Variants in PRDM16 observed in about 807,000 individuals in gnomAD.
PRDM16 encodes the protein PR/SET domain 16.
In PRDM16, 23 loss-of-function variants were observed where a neutral mutation model predicts 110.6. The observed-to-expected ratio is 0.21, with a 90% CI of 0.15 to 0.29. The LOEUF (loss-of-function observed/expected upper bound fraction) is 0.29. Ranked by LOEUF, PRDM16 falls within the 10% of genes least tolerant of loss-of-function variation. The probability of loss-of-function intolerance (pLI) is 1.00; values close to 1 mark genes in which losing one functional copy is unlikely to be tolerated. For missense variants in PRDM16, 1,615 were observed against 1,794.3 expected (o/e 0.90, Z 1.81); for synonymous variants, 799 against 781.8 (o/e 1.02, Z -0.37).
chr1:3,379,557 C>G (rs1569620798), intron 3 of PRDM16, among the ~76,000 whole-genome samples: 2 of 15,060 alleles, frequency 1.3e-4, no homozygotes, highest in Admixed American at 5.5e-4. Flanking sequence ...TCCCAACACA[C>G]CCCTCCCAGC....
intron 1 of PRDM16, among the ~76,000 whole-genome samples, chr1:3,090,697 C>T (rs1474031356): frequency 1.3e-5 from 2 of 152,244 alleles, no homozygotes; most frequent in East Asian, 3.9e-4. Context: ...ACGTCAGAAC[C>T]CCAAAGCCTC....
chr1:3,151,188 C>T (rs1643769295), intron 1 of PRDM16, among the ~76,000 whole-genome samples: 1 of 152,198 alleles, frequency 6.6e-6, no homozygotes, highest in Non-Finnish European at 1.5e-5. Flanking sequence ...AGTGTCTGTC[C>T]CCTCGCTGGG....
At chr1:3,400,191 C>T (rs969898279) in intron 5 of PRDM16, among the ~76,000 whole-genome samples, 2 of 152,224 alleles carry the variant, frequency 1.3e-5, no homozygotes, top group Non-Finnish European at 1.5e-5. Context: ...CTTCCTTGGA[C>T]GAGCAACTCG....
At chr1:3,416,892 G>A (rs1040672662) in intron 10 of PRDM16, among the ~76,000 whole-genome samples, 2 of 152,198 alleles carry the variant, frequency 1.3e-5, no homozygotes, top group Non-Finnish European at 2.9e-5. Context: ...TACAGGGCCT[G>A]GCACACAGCA....
At chr1:3,294,300 G>A (rs113622023) in intron 3 of PRDM16, among the ~76,000 whole-genome samples, 14 of 152,200 alleles carry the variant, frequency 9.2e-5, no homozygotes, top group African/African-American at 3.4e-4. Context: ...CAGGCTGGAG[G>A]GCACCCCCGG....
intron 1 of PRDM16, among the ~76,000 whole-genome samples, chr1:3,155,463 G>A (rs1442811585): frequency 6.6e-6 from 1 of 152,224 alleles, no homozygotes; most frequent in Non-Finnish European, 1.5e-5. Context: ...GCACCGTGGT[G>A]TTCTCTGAGG....
chr1:3,403,613 C>T (rs1643511436), intron 6 of PRDM16, among the ~76,000 whole-genome samples: 3 of 152,212 alleles, frequency 2.0e-5, no homozygotes, highest in Admixed American at 2.0e-4. Context: ...CCCTCCCCTG[C>T]CCTGAGACCA....
At chr1:3,181,323 ATCTTACACAAGCAG>A (rs1211404992) in intron 1 of PRDM16, among the ~76,000 whole-genome samples, 1 of 30,596 alleles carries the variant, frequency 3.3e-5, no homozygotes, top group East Asian at 1.1e-3. Flanking sequence ...TACACACGCA[ATCTTACACAAGCAG>A]TCTTACACAC....
chr1:3,267,740 G>C (rs937896222), intron 3 of PRDM16, among the ~76,000 whole-genome samples: 1 of 152,184 alleles, frequency 6.6e-6, no homozygotes, highest in East Asian at 1.9e-4. Context: ...GTTGAGCAGA[G>C]CGCCAGCCTC....
intron 4 of PRDM16, among the ~76,000 whole-genome samples, chr1:3,388,238 C>G (rs185915164): frequency 6.6e-6 from 1 of 152,334 alleles, no homozygotes; most frequent in Non-Finnish European, 1.5e-5. Context: ...CACACACAAA[C>G]ACACACAAGT....
intron 3 of PRDM16, among the ~76,000 whole-genome samples, chr1:3,372,817 C>T (rs1292216204): frequency 6.6e-6 from 1 of 152,338 alleles, no homozygotes; most frequent in African/African-American, 2.4e-5. Flanking sequence ...CCAGATCCCA[C>T]CCTCCTCCAG....
chr1:3,418,667 G>A lies in PRDM16; in HGVS notation c.2862G>A (p.Arg954=). Residue 954 remains arginine, a splice_region_variant and synonymous_variant, in exon 12 of 17, where the codon AGG becomes AGA. Coordinates refer to ENST00000270722, the MANE Select transcript of PRDM16 (RefSeq NM_022114.4). ...LRKGKERYTC[R]YCGKIFPRSA... The stretch of plus-strand genomic sequence containing the variant: ...CCCTCCCCACCTCCCTCCACCCCAG[G>A]TACTGTGGGAAGATCTTCCCCAGAT... The A allele has an allele frequency of 6.2e-7, 1 of 1,611,170 alleles. No individual in the cohort carries two copies. The highest frequency in any genetic ancestry group is 8.5e-7 in the Non-Finnish European group (1 of 1,177,540).
At chr1:3,086,931 T>A (rs1460188906) in intron 1 of PRDM16, among the ~76,000 whole-genome samples, 1 of 152,030 alleles carries the variant, frequency 6.6e-6, no homozygotes, top group Non-Finnish European at 1.5e-5. Context: ...AAACATGGTA[T>A]CACTCACCTC....
chr1:3,412,411 C>T lies in PRDM16; in HGVS notation c.2214C>T (p.Tyr738=). Residue 738 remains tyrosine, a synonymous_variant, in exon 9 of 17, where the codon TAC becomes TAT. Transcript: ENST00000270722. ...QFLPNFPHSL[Y]PFTDRALAHN... The stretch of plus-strand genomic sequence containing the variant: ...TGCCCAACTTCCCCCACTCCCTTTA[C>T]CCCTTCACGGACCGAGCCCTCGCCC... 1.2e-6 allele frequency: 2 copies of T among 1,612,994 alleles called. No homozygotes were observed. Among genetic ancestry groups the T allele is most frequent in the Non-Finnish European group, 1.7e-6 (2 of 1,179,788 alleles).
intron 3 of PRDM16, among the ~76,000 whole-genome samples, chr1:3,364,853 C>T (rs779640058): frequency 4.6e-5 from 7 of 152,192 alleles, no homozygotes; most frequent in South Asian, 2.1e-4. Context: ...AGCATGTTTT[C>T]GGGGACCCTG....
intron 3 of PRDM16, among the ~76,000 whole-genome samples, chr1:3,249,677 G>A (rs929830765): frequency 4.6e-5 from 7 of 152,206 alleles, no homozygotes; most frequent in African/African-American, 1.2e-4. Flanking sequence ...AGACAGCCCC[G>A]AGTTGATTTT....
chr1:3,178,116 A>T (rs1480151684), intron 1 of PRDM16, among the ~76,000 whole-genome samples: 1 of 152,124 alleles, frequency 6.6e-6, no homozygotes, highest in East Asian at 1.9e-4. Context: ...TGAGGAGTGG[A>T]TCCTCCCCCT....
chr1:3,262,610 G>A (rs917221278), intron 3 of PRDM16, among the ~76,000 whole-genome samples: 1 of 152,200 alleles, frequency 6.6e-6, no homozygotes, highest in African/African-American at 2.4e-5. Context: ...GGAGGGATGG[G>A]GTCCTTGCTG....
At chr1:3,312,317 C>T (rs1021093756) in intron 3 of PRDM16, among the ~76,000 whole-genome samples, 4 of 152,322 alleles carry the variant, frequency 2.6e-5, no homozygotes, top group African/African-American at 4.8e-5. Flanking sequence ...TGCAGGCTGG[C>T]GGGGTTGGTA....
Sources: gnomAD v4.1 joint callset for allele counts (sites outside exome capture counted in the v4.1 genomes callset) on GRCh38, gnomAD v4.1.1 for gene constraint, MANE v1.5 for transcripts, NCBI Gene and HGNC (gene_info 2026-07-23, HGNC 2026-07-21) for gene names.